Variants in EGFL6 observed in about 807,000 individuals in gnomAD.
The protein encoded by EGFL6 is epidermal growth factor-like protein 6.
EGFL6 carries 42 observed loss-of-function variants against 43.1 expected under a neutral mutation model. The observed-to-expected ratio is 0.98, with a 90% CI of 0.76 to 1.26. The LOEUF is 1.26. Among genes scored for constraint, EGFL6 ranks in the 50% most tolerant of loss-of-function variants. The probability of loss-of-function intolerance (pLI) is 0.00; values close to 1 mark genes in which losing one functional copy is unlikely to be tolerated. For synonymous variants in EGFL6, 164 were observed against 163.2 expected, an observed-to-expected ratio of 1.01 and a Z score of -0.04; for missense variants, 429 against 427.8, an observed-to-expected ratio of 1.00 and a Z score of -0.02.
At chrX:13,601,988 A>C in intron 4 of EGFL6, among the ~76,000 whole-genome samples, 1 of 112,557 alleles carries the variant, frequency 8.9e-6, no homozygotes, top group East Asian at 2.8e-4. Flanking sequence ...AATTAGGTTA[A>C]TTTTGAAGAT....
chrX:13,571,903 G>A (rs2045445253), intron 1 of EGFL6, among the ~76,000 whole-genome samples: 1 of 112,058 alleles, frequency 8.9e-6, no homozygotes, highest in Admixed American at 9.4e-5. Context: ...GTGTCTACTG[G>A]TTATTTCCTG....
At position 13,589,626 on chromosome X, in the gene EGFL6, T is replaced by C. The variant is rs993690611; in HGVS notation, c.145T>C (p.Cys49Arg). The C allele has an allele frequency of 9.1e-6, 11 of 1,209,545 alleles. No homozygotes were observed. The highest frequency in any genetic ancestry group is 1.1e-5 in the Non-Finnish European group (10 of 895,006). The part of the protein sequence containing the change: ...GVCHYGTKLA[C>R]CYGWRRNSKG... ...CTGTCACTATGGAACTAAACTGGCC[T>C]GCTGCTACGGCTGGAGAAGAAACAG... Residue 49 changes from cysteine (C) to arginine (R), a missense_variant, in exon 2 of 12, where the codon TGC becomes CGC. Cys to Arg is a radical substitution (Grantham distance 180). Transcript: ENST00000361306.
At chrX:13,583,357 C>T (rs1179002739) in intron 1 of EGFL6, among the ~76,000 whole-genome samples, 3 of 111,421 alleles carry the variant, frequency 2.7e-5, no homozygotes, top group East Asian at 2.8e-4. Flanking sequence ...GAACACCCCT[C>T]ACCCACCCAT....
At chrX:13,571,358 G>A (rs1486079596) in intron 1 of EGFL6, among the ~76,000 whole-genome samples, 1 of 111,036 alleles carries the variant, frequency 9.0e-6, no homozygotes, top group Non-Finnish European at 1.9e-5. Context: ...AAAGGATTTC[G>A]AAGTTAAAAC....
intron 2 of EGFL6, 81 bp from the exon 3 acceptor site, chrX:13,594,755 C>A: frequency 1.1e-6 from 1 of 906,086 alleles, no homozygotes; most frequent in Non-Finnish European, 1.6e-6. Context: ...CTCTGCCACA[C>A]AGAACGCAGC....
intron 1 of EGFL6, among the ~76,000 whole-genome samples, chrX:13,577,300 ATATATATATATATATATATATAT>A (rs570183134): frequency 1.1e-4 from 9 of 80,549 alleles, no homozygotes; most frequent in Admixed American, 1.5e-4. Flanking sequence ...TATGAATTTT[ATATATATATATATATATATATAT>A]ATATATATAT....
intron 2 of EGFL6, 129 bp downstream of exon 2, chrX:13,589,797 A>G: frequency 2.2e-6 from 1 of 461,331 alleles, no homozygotes; most frequent in Non-Finnish European, 3.5e-6. Context: ...ACCAATAACC[A>G]AGGTCTGGGT....
At chrX:13,587,997 A>G (rs2146965659) in intron 1 of EGFL6, among the ~76,000 whole-genome samples, 1 of 112,266 alleles carries the variant, frequency 8.9e-6, no homozygotes, top group South Asian at 3.7e-4. Flanking sequence ...GTAGATAAAG[A>G]CCATTGTTAA....
intron 1 of EGFL6, among the ~76,000 whole-genome samples, chrX:13,587,966 G>A (rs1317750786): frequency 1.8e-5 from 2 of 111,742 alleles, no homozygotes; most frequent in Non-Finnish European, 3.8e-5. Context: ...AGAACTAGAG[G>A]GGTGTGTGCT....
At chrX:13,602,466 T>A (rs994088237) in intron 4 of EGFL6, among the ~76,000 whole-genome samples, 1 of 112,272 alleles carries the variant, frequency 8.9e-6, no homozygotes, top group Non-Finnish European at 1.9e-5. Flanking sequence ...CCAGAGCAGC[T>A]CAAGAAGAAG....
chrX:13,581,823 A>G (rs2045507589), intron 1 of EGFL6, among the ~76,000 whole-genome samples: 1 of 112,151 alleles, frequency 8.9e-6, no homozygotes, highest in Admixed American at 9.4e-5. Flanking sequence ...TGGGCAATTC[A>G]GCATTTAGCT....
intron 1 of EGFL6, among the ~76,000 whole-genome samples, chrX:13,571,460 A>G (rs1157181866): frequency 8.9e-6 from 1 of 111,970 alleles, no homozygotes; most frequent in African/African-American, 3.2e-5. Context: ...CAATTTGCTC[A>G]TAATCACATT....
chrX:13,601,588 A>T (rs1023759034), intron 4 of EGFL6, among the ~76,000 whole-genome samples: 3 of 111,654 alleles, frequency 2.7e-5, no homozygotes, highest in Non-Finnish European at 5.6e-5. Flanking sequence ...GAGATTATAA[A>T]ATCTTGCCTA....
intron 10 of EGFL6, among the ~76,000 whole-genome samples, chrX:13,626,078 G>C (rs755952008): frequency 9.0e-6 from 1 of 111,235 alleles, no homozygotes; most frequent in South Asian, 3.8e-4. Context: ...CTATATTTCA[G>C]ACAGGCAATT....
chrX:13,587,799 A>C (rs991776949), intron 1 of EGFL6, among the ~76,000 whole-genome samples: 2 of 112,314 alleles, frequency 1.8e-5, no homozygotes, highest in African/African-American at 6.5e-5. Flanking sequence ...AGCAAAGACC[A>C]GGCCCTTTTC....
intron 10 of EGFL6, chrX:13,625,352 C>T (rs4830873): frequency 0.47 from 51,432 of 109,074 alleles, 8,825 homozygotes; most frequent in East Asian, 0.64. Context: ...CTGGGCAACA[C>T]TGGGGGATCC....
chrX:13,589,982 T>C (rs905635312), intron 2 of EGFL6, among the ~76,000 whole-genome samples: 2 of 112,663 alleles, frequency 1.8e-5, no homozygotes, highest in Admixed American at 1.9e-4. Context: ...AAAAGCAGGC[T>C]GGTAAATTTC....
intron 2 of EGFL6, among the ~76,000 whole-genome samples, chrX:13,592,648 C>T (rs2045570711): frequency 1.8e-5 from 2 of 109,768 alleles, no homozygotes; most frequent in African/African-American, 6.6e-5. Context: ...GTGGAGTTCT[C>T]GAAGTTGAGT....
intron 10 of EGFL6, among the ~76,000 whole-genome samples, chrX:13,626,381 A>T (rs1248458689): frequency 4.5e-5 from 5 of 112,045 alleles, no homozygotes; most frequent in Non-Finnish European, 5.6e-5. Context: ...CAAGTTCATC[A>T]AAGCCACAAC....
Sources: gnomAD v4.1 joint callset for allele counts (sites outside exome capture counted in the v4.1 genomes callset) on GRCh38, gnomAD v4.1.1 for gene constraint, MANE v1.5 for transcripts, NCBI Gene and HGNC (gene_info 2026-07-23, HGNC 2026-07-21) for gene names.